Variants in SLC16A1 observed in about 807,000 individuals in gnomAD.
SLC16A1 encodes solute carrier family 16 member 1, also known as monocarboxylate transporter 1.
Under a neutral mutation model 32.2 loss-of-function variants are expected in SLC16A1, and 11 were observed. The observed-to-expected ratio is 0.34, with a 90% CI of 0.21 to 0.56. The LOEUF is 0.56. Among genes scored for constraint, SLC16A1 ranks in the 20% least tolerant of loss-of-function variants. SLC16A1 has a pLI of 0.87. For synonymous variants in SLC16A1, 231 were observed against 226.8 expected (o/e 1.02, Z -0.17); for missense variants, 435 against 615.0 (o/e 0.71, Z 3.10).
rs1345972090 is a variant in SLC16A1, at chr1:112,954,642, A to G, written c.-45+1393T>C. On this transcript the variant is annotated intron_variant, in intron 1 of 4. Transcript: ENST00000369626. The stretch of plus-strand genomic sequence containing the variant: ...AGCTTACAACTAAACCTTCAAATCT[A>G]TTCAGCTATAAAAATCTTACAAAAT... 3.3e-5 allele frequency among the ~76,000 whole-genome samples: 5 copies of G among 152,242 alleles called. No homozygotes were observed. In the South Asian group the frequency reaches 1.0e-3, roughly 31 times the overall value.
chr1:112,922,635 G>A (rs537925285), intron 2 of SLC16A1, among the ~76,000 whole-genome samples: 10 of 152,172 alleles, frequency 6.6e-5, no homozygotes, highest in South Asian at 4.2e-4. Context: ...TTAGCCAGGC[G>A]TGGTTGGCGC....
Position 112,917,514 on chromosome 1 carries a change from A to G in SLC16A1, c.892T>C (p.Ser298Pro), listed in dbSNP as rs770333691. ...GKSQHYSSEK[S>P]AFLLSILAFV... Reference sequence around the variant, plus strand: ...GCCAGAATGGAAAGAAGGAAGGCAGACTTCTCACTAGAATAATGCTGACTC... The same window carrying G: ...GCCAGAATGGAAAGAAGGAAGGCAGGCTTCTCACTAGAATAATGCTGACTC... The change falls in exon 4 of 5, where the codon TCT (serine) becomes CCT (proline). Residue 298 changes from serine (S) to proline (P), a missense_variant. Transcript: ENST00000369626. This position sits in a 1 kb window ranked among gnomAD's most constrained non-coding sequence, Gnocchi z 4.1. The G allele has an allele frequency of 2.5e-6, 4 of 1,614,096 alleles. No homozygotes were observed. The East Asian group carries it at 8.9e-5, about 36-fold the overall frequency.
At chr1:112,924,186 G>A (rs1383613393) in intron 2 of SLC16A1, 3 of 1,507,082 alleles carry the variant, frequency 2.0e-6, no homozygotes, top group African/African-American at 2.8e-5. Flanking sequence ...GCTGCAGGGT[G>A]CCCACGGGGA....
In SLC16A1 at chr1:112,929,135, C is replaced by G. The variant is rs759814389; in HGVS notation, c.174G>C (p.Val58=). 1 of 1,613,876 alleles carries G rather than the reference C, an allele frequency of 6.2e-7. No individual in the cohort carries two copies. The highest frequency in any genetic ancestry group is 1.1e-5 in the South Asian group (1 of 91,074). The change falls in exon 2 of 5, where the codon GTG becomes GTC. Residue 58 remains valine, a synonymous_variant. Coordinates refer to ENST00000369626, the MANE Select transcript of SLC16A1 (RefSeq NM_003051.4). ...CCAACATTATGGAGGATATCCATGA[C>G]ACTTCGCTGGTGGTGGCATGGAATA... ...EGIFHATTSE[V]SWISSIMLAV...
intron 1 of SLC16A1, among the ~76,000 whole-genome samples, chr1:112,949,301 G>C (rs746437485): frequency 6.6e-6 from 1 of 151,942 alleles, no homozygotes; most frequent in Non-Finnish European, 1.5e-5. Context: ...CACTCACCTC[G>C]GCCTCCCAAA....
chr1:112,950,274 A>G (rs1182056085), intron 1 of SLC16A1, among the ~76,000 whole-genome samples: 1 of 152,360 alleles, frequency 6.6e-6, no homozygotes, highest in South Asian at 2.1e-4. Flanking sequence ...AAGTACAAAC[A>G]TAAGTTTTGG....
Position 112,929,090 on chromosome 1 carries a change from A to C in SLC16A1, c.217+2T>G, listed in dbSNP as rs769423622. On this transcript the variant is annotated splice_donor_variant, in intron 2 of 4. Transcript: ENST00000369626. LOFTEE classifies it high-confidence loss of function. Reference sequence around the variant, plus strand: ...AAAGAGCAGGCCTTAATGGGTACTTACCTCCACCATACATGACAGCCAACA... The same window carrying C: ...AAAGAGCAGGCCTTAATGGGTACTTCCCTCCACCATACATGACAGCCAACA... The C allele has an allele frequency of 6.2e-7, 1 of 1,611,454 alleles. No individual in the cohort carries two copies. The highest frequency in any genetic ancestry group is 1.7e-5 in the Admixed American group (1 of 59,952).
intron 1 of SLC16A1, among the ~76,000 whole-genome samples, chr1:112,949,238 AG>A (rs922180704): frequency 7.2e-5 from 11 of 152,142 alleles, no homozygotes; most frequent in African/African-American, 2.4e-4. Flanking sequence ...TAGTAAAGAC[AG>A]GGTTTCTCCA....
chr1:112,921,996 T>G lies in SLC16A1; in HGVS notation c.355A>C (p.Ile119Leu), dbSNP rs762333880. 22 of 1,614,030 alleles carry G rather than the reference T, an allele frequency of 1.4e-5. No homozygotes were observed. The highest frequency in any genetic ancestry group is 1.9e-5 in the Non-Finnish European group (22 of 1,180,030). ...VQQLYVCIGVIGGLGLAFNLN... is the reference protein window; with the variant it reads ...VQQLYVCIGVLGGLGLAFNLN... ...TGAATCAGTAGTAACTCACCTCCAA[T>G]GACTCCAATACAGACGTATAGTTGC... is the stretch of plus-strand genomic sequence containing the variant. The change falls in exon 3 of 5, where the codon ATT (isoleucine) becomes CTT (leucine). Residue 119 changes from isoleucine to leucine, a missense_variant. Ile to Leu is a conservative substitution (Grantham distance 5). Around this residue, in one of 2 missense-constraint regions of SLC16A1, gnomAD observed 324 missense variants for 500.3 expected, o/e 0.65. Coordinates refer to ENST00000369626, the MANE Select transcript of SLC16A1 (RefSeq NM_003051.4).
chr1:112,944,689 A>G (rs931157246), intron 1 of SLC16A1, among the ~76,000 whole-genome samples: 1 of 152,160 alleles, frequency 6.6e-6, no homozygotes, highest in Non-Finnish European at 1.5e-5. Context: ...ATTTTCCATT[A>G]ATATCAGAAA....
At chr1:112,937,955 C>T (rs531495184) in intron 1 of SLC16A1, among the ~76,000 whole-genome samples, 4 of 152,050 alleles carry the variant, frequency 2.6e-5, no homozygotes, top group Non-Finnish European at 4.4e-5. Context: ...ATTTTTTTCT[C>T]GTAACTCTCA....
At chr1:112,934,340 T>A (rs1237048954) in intron 1 of SLC16A1, among the ~76,000 whole-genome samples, 1 of 152,172 alleles carries the variant, frequency 6.6e-6, no homozygotes, top group Admixed American at 6.5e-5. Flanking sequence ...CCAGAACACA[T>A]TTTATCCCAG....
At chr1:112,916,568 G>A (rs961455493) in intron 4 of SLC16A1, among the ~76,000 whole-genome samples, 7 of 148,658 alleles carry the variant, frequency 4.7e-5, no homozygotes, top group African/African-American at 7.5e-5. Context: ...AATCACTAGC[G>A]CTTTAAAGAT....
At chr1:112,955,514 C>T (rs1172338141) in intron 1 of SLC16A1, 1 of 152,310 alleles carries the variant, frequency 6.6e-6, no homozygotes, top group Non-Finnish European at 1.5e-5. Flanking sequence ...CGGCTCTCCG[C>T]ACCACTCTCG....
At chr1:112,932,960 T>A (rs902177588) in intron 1 of SLC16A1, among the ~76,000 whole-genome samples, 1 of 152,292 alleles carries the variant, frequency 6.6e-6, no homozygotes, top group African/African-American at 2.4e-5. Flanking sequence ...ATTGTATTTC[T>A]ATATATTAAC....
intron 1 of SLC16A1, among the ~76,000 whole-genome samples, chr1:112,940,316 T>C (rs1316166620): frequency 6.6e-6 from 1 of 152,186 alleles, no homozygotes; most frequent in Non-Finnish European, 1.5e-5. Flanking sequence ...GTGCTGGGAT[T>C]ACAGGCATCA....
At chr1:112,954,558 T>C (rs1411079318) in intron 1 of SLC16A1, among the ~76,000 whole-genome samples, 1 of 152,232 alleles carries the variant, frequency 6.6e-6, no homozygotes, top group Non-Finnish European at 1.5e-5. Flanking sequence ...TTTCATCCTA[T>C]AGTGATATGA....
chr1:112,930,768 G>A (rs371540207), intron 1 of SLC16A1, among the ~76,000 whole-genome samples: 3 of 142,056 alleles, frequency 2.1e-5, no homozygotes, highest in Non-Finnish European at 3.0e-5. Context: ...TCTGTCGCCC[G>A]GGCTGGAGTG....
intron 1 of SLC16A1, among the ~76,000 whole-genome samples, chr1:112,941,725 C>T (rs979684920): frequency 2.0e-5 from 3 of 152,188 alleles, no homozygotes. Flanking sequence ...CATACGAAAG[C>T]TAACATTTGT....
Sources: allele counts gnomAD v4.1 joint callset (sites outside exome capture counted in the v4.1 genomes callset), GRCh38; gene constraint gnomAD v4.1.1; regional missense constraint gnomAD v4.1.1; non-coding constraint Gnocchi (gnomAD v3.1); transcripts MANE v1.5; gene names NCBI Gene and HGNC (gene_info 2026-07-23, HGNC 2026-07-21).